The following UNC79 variants were observed in gnomAD, a reference collection of about 807,000 sequenced individuals.
The protein encoded by UNC79 is protein unc-79 homolog.
Under a neutral mutation model 283.1 loss-of-function variants are expected in UNC79, and 37 were observed. The observed-to-expected ratio is 0.13, with a 90% CI of 0.10 to 0.17. The LOEUF (loss-of-function observed/expected upper bound fraction) is 0.17. UNC79 is among the 10% of genes least tolerant of loss of function. The pLI is 1.00. For synonymous variants in UNC79, 1,107 were observed against 1,200.2 expected (o/e 0.92, Z 1.61); for missense variants, 2,272 against 3,211.1 (o/e 0.71, Z 7.07).
intron 1 of UNC79, among the ~76,000 whole-genome samples, chr14:93,393,785 C>A (rs991008653): frequency 1.3e-5 from 2 of 152,100 alleles, no homozygotes; most frequent in Non-Finnish European, 2.9e-5. Context: ...ATTTCCCACC[C>A]CCCTAGAAAG....
intron 1 of UNC79, among the ~76,000 whole-genome samples, chr14:93,452,143 C>T (rs939743738): frequency 5.3e-5 from 8 of 152,144 alleles, no homozygotes; most frequent in Admixed American, 1.3e-4. Context: ...GTCAAGAAGG[C>T]GTTGCCCAAC....
At chr14:93,533,080 T>A (rs75804948) in intron 11 of UNC79, among the ~76,000 whole-genome samples, 4,191 of 152,250 alleles carry the variant, frequency 0.028, 208 homozygotes, top group African/African-American at 0.096. Context: ...AGTTTTTTTT[T>A]AATAATAGTT....
chr14:93,586,644 T>A, exon 21 of UNC79: 1 of 1,613,960 alleles, frequency 6.2e-7, no homozygotes, highest in East Asian at 2.2e-5. Flanking sequence ...CAGCTTCCGG[T>A]AACATTGAGA....
intron 1 of UNC79, among the ~76,000 whole-genome samples, chr14:93,385,652 A>G (rs2054757041): frequency 6.6e-6 from 1 of 151,828 alleles, no homozygotes; most frequent in African/African-American, 2.4e-5. Flanking sequence ...GTTGGTGCAC[A>G]CCTGTAATCC....
At chr14:93,615,862 T>C (rs2066687219) in intron 27 of UNC79, among the ~76,000 whole-genome samples, 2 of 151,958 alleles carry the variant, frequency 1.3e-5, no homozygotes, top group Middle Eastern at 3.2e-3. Flanking sequence ...CTCCCTAACA[T>C]TTTGGCATAT....
chr14:93,447,701 G>T (rs2056505277), intron 1 of UNC79, among the ~76,000 whole-genome samples: 1 of 150,934 alleles, frequency 6.6e-6, no homozygotes, highest in Non-Finnish European at 1.5e-5. Flanking sequence ...GATTTCTTTT[G>T]TCTGAAAAAG....
chr14:93,656,568 TG>T (rs1033619118), intron 38 of UNC79, among the ~76,000 whole-genome samples: 1 of 152,134 alleles, frequency 6.6e-6, no homozygotes, highest in Non-Finnish European at 1.5e-5. Flanking sequence ...GTGTGCTCAT[TG>T]TTTGAGCCCA....
intron 1 of UNC79, among the ~76,000 whole-genome samples, chr14:93,433,670 AG>A (rs2055968076): frequency 6.6e-6 from 1 of 152,164 alleles, no homozygotes; most frequent in African/African-American, 2.4e-5. Context: ...AGGGAGAATT[AG>A]GCTTAATATA....
At chr14:93,490,348 G>A (rs1219174943) in intron 5 of UNC79, among the ~76,000 whole-genome samples, 1 of 152,168 alleles carries the variant, frequency 6.6e-6, no homozygotes, top group Admixed American at 6.5e-5. Context: ...CAGATAGGCT[G>A]AGGGTTTTCC....
chr14:93,581,208 G>A (rs1009971261), intron 19 of UNC79, among the ~76,000 whole-genome samples: 1 of 151,616 alleles, frequency 6.6e-6, no homozygotes, highest in Non-Finnish European at 1.5e-5. Context: ...TAGAGATAGG[G>A]TCTTGCTCTG....
chr14:93,602,191 G>C (rs995850082), intron 25 of UNC79, among the ~76,000 whole-genome samples: 6 of 152,142 alleles, frequency 3.9e-5, no homozygotes, highest in African/African-American at 1.4e-4. Flanking sequence ...TCAATGTCTA[G>C]AAGAGTTTTT....
intron 25 of UNC79, 148 bp downstream of exon 25, chr14:93,600,918 C>A: frequency 1.2e-6 from 1 of 813,348 alleles, no homozygotes; most frequent in Non-Finnish European, 1.9e-6. Flanking sequence ...TATTGAATAG[C>A]TGCTGTAGTA....
At chr14:93,639,942 C>T (rs1158026705) in intron 32 of UNC79, among the ~76,000 whole-genome samples, 1 of 152,218 alleles carries the variant, frequency 6.6e-6, no homozygotes, top group East Asian at 1.9e-4. Flanking sequence ...TTTCTCCCAG[C>T]ACCAAGATAC....
At chr14:93,455,717 T>C (rs2056777467) in intron 1 of UNC79, among the ~76,000 whole-genome samples, 1 of 152,194 alleles carries the variant, frequency 6.6e-6, no homozygotes, top group African/African-American at 2.4e-5. Context: ...TATGCAATAT[T>C]TTAAAGTACT....
chr14:93,450,139 G>A (rs921571098), intron 1 of UNC79, among the ~76,000 whole-genome samples: 20 of 152,190 alleles, frequency 1.3e-4, no homozygotes, highest in African/African-American at 4.6e-4. Flanking sequence ...TGTAGGCCGG[G>A]GGACCTCTGA....
chr14:93,482,580 T>C (rs1344633705), intron 4 of UNC79, among the ~76,000 whole-genome samples: 1 of 152,172 alleles, frequency 6.6e-6, no homozygotes, highest in Non-Finnish European at 1.5e-5. Flanking sequence ...TCTGGCAGAA[T>C]ACAGGAAATG....
rs183031075 is a variant in UNC79, at chr14:93,594,803, G to A, written c.3190+966G>A. ...GTTCCATTCTCGGGGTAGCAGGCGGGGTCGGCATGCCACAGTGTGGCTTCT... is the reference window on the plus strand; with the variant it reads ...GTTCCATTCTCGGGGTAGCAGGCGGAGTCGGCATGCCACAGTGTGGCTTCT... On this transcript the variant is annotated intron_variant, in intron 23 of 48. Transcript: ENST00000555664. 1.8e-4 allele frequency among the ~76,000 whole-genome samples: 28 copies of A among 152,182 alleles called. No individual in the cohort carries two copies. In the East Asian group the frequency reaches 5.4e-3, roughly 29 times the overall value.
intron 47 of UNC79, 83 bp downstream of exon 50, chr14:93,694,495 A>G (rs1281314270): frequency 4.6e-6 from 6 of 1,318,112 alleles, no homozygotes; most frequent in South Asian, 1.2e-5. Flanking sequence ...CTTTCTGAAG[A>G]TAATTAGTTT....
intron 1 of UNC79, among the ~76,000 whole-genome samples, chr14:93,420,775 A>G (rs1407376220): frequency 6.6e-6 from 1 of 151,796 alleles, no homozygotes; most frequent in Non-Finnish European, 1.5e-5. Context: ...AACACAATGG[A>G]ATAAAACTAG....
Sources: gnomAD v4.1 joint callset for allele counts (sites outside exome capture counted in the v4.1 genomes callset) on GRCh38, gnomAD v4.1.1 for gene constraint, MANE v1.5 for transcripts, NCBI Gene and HGNC (gene_info 2026-07-23, HGNC 2026-07-21) for gene names.